LRRC37A2: variants seen among roughly 807,000 people sequenced by gnomAD.
LRRC37A2 encodes leucine rich repeat containing 37 member A2.
LRRC37A2 carries 9 observed loss-of-function variants against 68.8 expected under a neutral mutation model. That is an observed-to-expected ratio of 0.13 (90% CI 0.08 to 0.23). LRRC37A2 has a LOEUF of 0.23. Ranked by LOEUF, LRRC37A2 falls within the 10% of genes least tolerant of loss-of-function variation. LRRC37A2 has a pLI of 1.00. For synonymous variants in LRRC37A2, 63 were observed against 367.6 expected, an observed-to-expected ratio of 0.17 and a Z score of 9.48; for missense variants, 168 against 950.4, an observed-to-expected ratio of 0.18 and a Z score of 10.82.
the LRRC37A2 span, among the ~76,000 whole-genome samples, chr17:46,793,272 TAAAAAAAAAAAA>T: frequency 2.6e-4 from 11 of 41,968 alleles, no homozygotes; most frequent in South Asian, 2.1e-3. Flanking sequence ...AGACCCTGTC[TAAAAAAAAAAAA>T]AAAAAAAAAA....
chr17:46,836,095 C>CGTGTGTGTGTGTGTGTGTGTGTGTGT, the LRRC37A2 span, among the ~76,000 whole-genome samples: 302 of 126,488 alleles, frequency 2.4e-3, 6 homozygotes, highest in East Asian at 1.0e-2. Context: ...GAGACGCTGA[C>CGTGTGTGTGTGTGTGTGTGTGTGTGT]GTGTGTGTGT....
the LRRC37A2 span, among the ~76,000 whole-genome samples, chr17:46,499,336 G>GC: frequency 1.6e-5 from 1 of 61,920 alleles, no homozygotes; most frequent in East Asian, 2.9e-4. Context: ...AAAAAAAAAA[G>GC]GTGGGGGGAC....
intron 8 of LRRC37A2, among the ~76,000 whole-genome samples, chr17:46,545,792 G>A (rs1250633991): frequency 1.3e-5 from 2 of 148,342 alleles, no homozygotes; most frequent in East Asian, 2.0e-4. Flanking sequence ...GACCAATGCA[G>A]TCTTTGTTAT....
chr17:46,998,803 G>T, the LRRC37A2 span: 1 of 152,248 alleles, frequency 6.6e-6, no homozygotes, highest in Admixed American at 6.5e-5. Flanking sequence ...GAGTTGGGCT[G>T]CGTGTGACAG....
chr17:46,718,384 T>C, the LRRC37A2 span, among the ~76,000 whole-genome samples: 1 of 152,072 alleles, frequency 6.6e-6, no homozygotes, highest in African/African-American at 2.4e-5. Context: ...AGAGTGGAAA[T>C]TGAATATTCC....
chr17:46,790,576 C>G, the LRRC37A2 span, among the ~76,000 whole-genome samples: 1 of 152,194 alleles, frequency 6.6e-6, no homozygotes, highest in South Asian at 2.1e-4. Flanking sequence ...CTGGGCCCCA[C>G]CTCCTATTCC....
chr17:46,545,734 G>T (rs4246414), intron 8 of LRRC37A2, among the ~76,000 whole-genome samples: 75,251 of 119,818 alleles, frequency 0.63, 25,653 homozygotes, highest in Middle Eastern at 0.81. Context: ...TTAAATATGT[G>T]GTAACTTATT....
chr17:46,799,974 T>G, the LRRC37A2 span, among the ~76,000 whole-genome samples: 1 of 152,198 alleles, frequency 6.6e-6, no homozygotes, highest in Non-Finnish European at 1.5e-5. Flanking sequence ...CAAGGTTAGA[T>G]GCCCAGAGCC....
chr17:46,938,163 T>G, the LRRC37A2 span, among the ~76,000 whole-genome samples: 1 of 151,150 alleles, frequency 6.6e-6, no homozygotes, highest in African/African-American at 2.4e-5. Flanking sequence ...GCGCCTGGCC[T>G]GTTTGCAGTT....
At chr17:46,798,812 G>A in the LRRC37A2 span, among the ~76,000 whole-genome samples, 1 of 152,198 alleles carries the variant, frequency 6.6e-6, no homozygotes, top group Non-Finnish European at 1.5e-5. Flanking sequence ...CACTTTGGGA[G>A]GCCAAGGCGG....
At chr17:46,941,208 G>A in the LRRC37A2 span, 2 of 998,268 alleles carry the variant, frequency 2.0e-6, no homozygotes, top group East Asian at 1.0e-4. Context: ...GACCAAGTAA[G>A]TTAGAGGAGT....
chr17:47,024,039 TG>T, the LRRC37A2 span, among the ~76,000 whole-genome samples: 1 of 152,178 alleles, frequency 6.6e-6, no homozygotes, highest in Non-Finnish European at 1.5e-5. Flanking sequence ...GATGTTTACA[TG>T]GGTATCTGCT....
At chr17:46,752,691 A>G in the LRRC37A2 span, among the ~76,000 whole-genome samples, 3 of 152,146 alleles carry the variant, frequency 2.0e-5, no homozygotes, top group Admixed American at 1.3e-4. Context: ...CCCGAGCTCA[A>G]GTAATCCGTC....
chr17:46,939,754 G>A, the LRRC37A2 span: 1 of 987,456 alleles, frequency 1.0e-6, no homozygotes, highest in Non-Finnish European at 1.2e-6. Context: ...GTAACACTCT[G>A]TTTTCAGGGA....
chr17:46,854,624 T>C, the LRRC37A2 span, among the ~76,000 whole-genome samples: 1 of 143,770 alleles, frequency 7.0e-6, no homozygotes, highest in African/African-American at 2.5e-5. Flanking sequence ...CTGTTAATGG[T>C]GATAAAAAAA....
At chr17:47,000,053 TAAAATAAAATTAAAATAAAATAA>T in the LRRC37A2 span, among the ~76,000 whole-genome samples, 1 of 30,078 alleles carries the variant, frequency 3.3e-5, no homozygotes. Flanking sequence ...TAAAATAAAA[TAAAATAAAATTAAAATAAAATAA>T]AAAATAAAAT....
At chr17:46,558,553 ATTTTTTT>A (rs58227880), downstream of LRRC37A2, among the ~76,000 whole-genome samples, 8 of 100,244 alleles carry the variant, frequency 8.0e-5, no homozygotes, top group Non-Finnish European at 3.9e-5. Context: ...TGCCCGGCCA[ATTTTTTT>A]TTTTTTTTTT....
At chr17:46,921,536 T>C in the LRRC37A2 span, among the ~76,000 whole-genome samples, 2 of 151,922 alleles carry the variant, frequency 1.3e-5, no homozygotes, top group African/African-American at 4.8e-5. Flanking sequence ...ACCATCAGAG[T>C]GAACAGGCAA....
At chr17:46,896,442 GAAAGAAAGAAAAA>G in the LRRC37A2 span, among the ~76,000 whole-genome samples, 7 of 69,560 alleles carry the variant, frequency 1.0e-4, no homozygotes, top group African/African-American at 7.2e-4. Context: ...AAGAAAGAAA[GAAAGAAAGAAAAA>G]GAAAGAAAGA....
Sources: allele counts gnomAD v4.1 joint callset (sites outside exome capture counted in the v4.1 genomes callset), GRCh38; gene constraint gnomAD v4.1.1; transcripts MANE v1.5; gene names NCBI Gene and HGNC (gene_info 2026-07-23, HGNC 2026-07-21).